Variants in GPC6 observed in about 807,000 individuals in gnomAD.
GPC6 encodes glypican-6.
In GPC6, 14 loss-of-function variants were observed where a neutral mutation model predicts 55.2. The ratio of observed to expected loss-of-function variants is 0.25; its 90% CI spans 0.17 to 0.40. The LOEUF (loss-of-function observed/expected upper bound fraction) is 0.40, where lower values mean the gene tolerates loss of function less well. GPC6 is among the 10% of genes least tolerant of loss of function. The probability of loss-of-function intolerance (pLI) is 1.00; values close to 1 mark genes in which losing one functional copy is unlikely to be tolerated. For missense variants in GPC6, 641 were observed against 708.5 expected (o/e 0.90, Z 1.08); for synonymous variants, 278 against 259.6 (o/e 1.07, Z -0.68).
chr13:94,271,576 C>A (rs1429852447), intron 4 of GPC6, among the ~76,000 whole-genome samples: 1 of 152,116 alleles, frequency 6.6e-6, no homozygotes, highest in African/African-American at 2.4e-5. Context: ...GTCTTAGTTT[C>A]CCCAACCATT....
At chr13:94,078,649 A>C (rs1453844921) in intron 4 of GPC6, among the ~76,000 whole-genome samples, 1 of 151,992 alleles carries the variant, frequency 6.6e-6, no homozygotes, top group East Asian at 1.9e-4. Flanking sequence ...CTAGAAAGAA[A>C]ATGAATAAAT....
At chr13:93,995,577 G>C (rs1227966802) in intron 3 of GPC6, among the ~76,000 whole-genome samples, 1 of 151,990 alleles carries the variant, frequency 6.6e-6, no homozygotes, top group Non-Finnish European at 1.5e-5. Flanking sequence ...GGTTAACCTG[G>C]TATATGTTAA....
intron 8 of GPC6, among the ~76,000 whole-genome samples, chr13:94,400,858 A>T (rs991962552): frequency 1.3e-5 from 2 of 152,212 alleles, no homozygotes; most frequent in Admixed American, 1.3e-4. Flanking sequence ...TTCCAGGAAC[A>T]TCATTTCTCC....
At chr13:93,632,298 C>T (rs557566212) in intron 2 of GPC6, among the ~76,000 whole-genome samples, 12 of 152,062 alleles carry the variant, frequency 7.9e-5, no homozygotes, top group African/African-American at 2.2e-4. Context: ...TAACTATTAA[C>T]GGTAATGAAA....
At chr13:93,342,469 T>C (rs189021518) in intron 1 of GPC6, among the ~76,000 whole-genome samples, 18 of 152,154 alleles carry the variant, frequency 1.2e-4, no homozygotes, top group African/African-American at 3.4e-4. Flanking sequence ...CTCATAAGAC[T>C]TACTCACTAT....
intron 1 of GPC6, among the ~76,000 whole-genome samples, chr13:93,349,443 G>A (rs79448251): frequency 0.011 from 1,691 of 152,208 alleles, 32 homozygotes; most frequent in African/African-American, 0.038. Flanking sequence ...TACACTAAAT[G>A]TTGGGTATAA....
chr13:93,869,809 A>T (rs149726068), intron 3 of GPC6, among the ~76,000 whole-genome samples: 1 of 151,844 alleles, frequency 6.6e-6, no homozygotes, highest in South Asian at 2.1e-4. Flanking sequence ...AGTGAGTGGC[A>T]TGGTTTTGTA....
intron 4 of GPC6, among the ~76,000 whole-genome samples, chr13:94,092,302 C>A (rs1178557030): frequency 6.6e-6 from 1 of 151,978 alleles, no homozygotes. Flanking sequence ...TTTTCCCCAC[C>A]CACTTGCCCC....
intron 4 of GPC6, among the ~76,000 whole-genome samples, chr13:94,175,924 T>G: frequency 7.1e-6 from 1 of 140,666 alleles, no homozygotes; most frequent in Admixed American, 7.4e-5. Flanking sequence ...CAAAAGGGAG[T>G]ATCCAAATGA....
intron 3 of GPC6, among the ~76,000 whole-genome samples, chr13:93,976,360 G>GATGAATTAAAAAA (rs1880516420): frequency 6.6e-6 from 1 of 151,800 alleles, no homozygotes; most frequent in African/African-American, 2.4e-5. Context: ...TTTAAACTCT[G>GATGAATTAAAAAA]TTAATCATTT....
At position 93,730,892 on chromosome 13, in the gene GPC6, G is replaced by A. The variant is rs377467832; in HGVS notation, c.320-99262G>A. Among the ~76,000 whole-genome samples, 40 of 152,234 alleles carry A rather than the reference G, an allele frequency of 2.6e-4. 2 individuals are homozygous for A. In the East Asian group the frequency reaches 6.4e-3, roughly 24 times the overall value. On this transcript the variant is annotated intron_variant, in intron 2 of 8. Transcript: ENST00000377047. The stretch of plus-strand genomic sequence containing the variant: ...AGTGACTTACTAAATGCAGGTGGCT[G>A]GTAGAAGAAATAAAACAGGACCTCA...
intron 1 of GPC6, among the ~76,000 whole-genome samples, chr13:93,420,976 G>T (rs957992982): frequency 6.6e-6 from 1 of 152,118 alleles, no homozygotes; most frequent in African/African-American, 2.4e-5. Flanking sequence ...AGCCAAGCAT[G>T]AGAAAATCTC....
intron 2 of GPC6, among the ~76,000 whole-genome samples, chr13:93,655,003 A>ATTTTTTTTTTTTTT (rs3884231): frequency 5.3e-4 from 55 of 104,726 alleles, no homozygotes; most frequent in Non-Finnish European, 7.7e-4. Context: ...TGCCCGGCTA[A>ATTTTTTTTTTTTTT]TTTTTTTTTT....
chr13:93,365,065 C>G (rs1272193279), intron 1 of GPC6, among the ~76,000 whole-genome samples: 1 of 151,984 alleles, frequency 6.6e-6, no homozygotes, highest in African/African-American at 2.4e-5. Flanking sequence ...TCCACATCAC[C>G]CCCATGTCAA....
At chr13:94,402,568 G>C (rs1195682577) in intron 8 of GPC6, among the ~76,000 whole-genome samples, 1 of 152,084 alleles carries the variant, frequency 6.6e-6, no homozygotes, top group South Asian at 2.1e-4. Context: ...CCCCATATCT[G>C]CTGAGCTCTG....
At chr13:93,877,729 C>A (rs1874674097) in intron 3 of GPC6, among the ~76,000 whole-genome samples, 1 of 152,076 alleles carries the variant, frequency 6.6e-6, no homozygotes, top group Non-Finnish European at 1.5e-5. Flanking sequence ...TATGTAATCA[C>A]TAGGAGTTCT....
intron 2 of GPC6, among the ~76,000 whole-genome samples, chr13:93,611,405 AAAG>A (rs551123751): frequency 5.1e-4 from 78 of 152,258 alleles, no homozygotes; most frequent in African/African-American, 1.8e-3. Flanking sequence ...AAGATTAATA[AAAG>A]AAGAAGTATA....
chr13:93,415,464 A>C (rs574117543), intron 1 of GPC6, among the ~76,000 whole-genome samples: 3 of 152,062 alleles, frequency 2.0e-5, no homozygotes, highest in South Asian at 4.1e-4. Context: ...ATCGTATTTT[A>C]TTTTTAGAAA....
chr13:94,368,496 A>C lies in GPC6; in HGVS notation c.1153-13918A>C, dbSNP rs541679622. On this transcript the variant is annotated intron_variant, in intron 6 of 8. Coordinates refer to ENST00000377047, the MANE Select transcript of GPC6 (RefSeq NM_005708.5). ...CATTACAGAGGGGCCAATCTGAGAC[A>C]TGAAAAATGACACCAAAGAGTTTCA... 1.2e-4 allele frequency among the ~76,000 whole-genome samples: 18 copies of C among 152,334 alleles called. No homozygotes were observed. The South Asian group carries it at 2.9e-3, about 25-fold the overall frequency.
Sources: allele counts gnomAD v4.1 joint callset (sites outside exome capture counted in the v4.1 genomes callset), GRCh38; gene constraint gnomAD v4.1.1; transcripts MANE v1.5; gene names NCBI Gene and HGNC (gene_info 2026-07-23, HGNC 2026-07-21).